CDH18: variants seen among roughly 807,000 people sequenced by gnomAD.
CDH18 encodes cadherin-18.
In CDH18, 31 loss-of-function variants were observed where a neutral mutation model predicts 67.9. The observed-to-expected ratio is 0.46, with a 90% confidence interval of 0.34 to 0.62. The LOEUF (loss-of-function observed/expected upper bound fraction) is 0.62, where lower values mean the gene tolerates loss of function less well. Ranked by LOEUF, CDH18 falls within the 20% of genes least tolerant of loss-of-function variation. CDH18 has a pLI of 0.01. For synonymous variants in CDH18, 362 were observed against 347.2 expected (o/e 1.04, Z -0.48); for missense variants, 890 against 975.5 (o/e 0.91, Z 1.17).
chr5:20,456,541 C>G (rs1377437020), intron 1 of CDH18, among the ~76,000 whole-genome samples: 2 of 152,022 alleles, frequency 1.3e-5, no homozygotes, highest in African/African-American at 4.8e-5. Context: ...AACATGAATG[C>G]AAATTCTCAG....
intron 2 of CDH18, among the ~76,000 whole-genome samples, chr5:19,840,290 A>AG (rs1243181266): frequency 3.8e-5 from 1 of 26,514 alleles, no homozygotes; most frequent in Non-Finnish European, 6.9e-5. Context: ...AAAAAAAAGA[A>AG]AAAAAAAAAA....
chr5:20,193,756 T>C (rs1738731991), intron 2 of CDH18, among the ~76,000 whole-genome samples: 1 of 152,120 alleles, frequency 6.6e-6, no homozygotes, highest in African/African-American at 2.4e-5. Flanking sequence ...TCCACCATGA[T>C]CAAGTCAGCT....
At chr5:20,541,060 A>C (rs1757023646) in intron 1 of CDH18, among the ~76,000 whole-genome samples, 1 of 152,200 alleles carries the variant, frequency 6.6e-6, no homozygotes, top group African/African-American at 2.4e-5. Flanking sequence ...GTCACATTTC[A>C]ATCTATCGGA....
At chr5:20,239,866 A>G (rs952403568) in intron 2 of CDH18, among the ~76,000 whole-genome samples, 12 of 152,096 alleles carry the variant, frequency 7.9e-5, no homozygotes, top group Non-Finnish European at 1.6e-4. Context: ...TTATCTGGCT[A>G]CAATGATGCA....
intron 5 of CDH18, among the ~76,000 whole-genome samples, chr5:19,673,906 A>G (rs550892262): frequency 6.6e-6 from 1 of 152,106 alleles, no homozygotes; most frequent in Admixed American, 6.6e-5. Context: ...ACGAGGGTCC[A>G]AGCAGTCTTA....
chr5:19,593,576 TTC>T (rs1745534348), intron 6 of CDH18, among the ~76,000 whole-genome samples: 1 of 150,204 alleles, frequency 6.7e-6, no homozygotes, highest in Admixed American at 6.7e-5. Flanking sequence ...TCTTTCCCAC[TTC>T]TGTCTCCCCC....
intron 2 of CDH18, among the ~76,000 whole-genome samples, chr5:20,252,531 T>C (rs562766137): frequency 6.6e-6 from 1 of 152,290 alleles, no homozygotes; most frequent in East Asian, 1.9e-4. Flanking sequence ...TAAATGATTA[T>C]AATAGGAACA....
chr5:20,327,109 CTT>C (rs965978089), intron 1 of CDH18, among the ~76,000 whole-genome samples: 1 of 152,056 alleles, frequency 6.6e-6, no homozygotes, highest in African/African-American at 2.4e-5. Context: ...GTATTATAAA[CTT>C]ATATTTTTGG....
intron 2 of CDH18, among the ~76,000 whole-genome samples, chr5:19,947,585 C>CAAAA (rs35601486): frequency 3.2e-4 from 17 of 53,308 alleles, no homozygotes; most frequent in East Asian, 1.0e-3. Flanking sequence ...TACTAAAATA[C>CAAAA]AAAAAAAAAA....
chr5:20,190,279 C>T (rs371913325), intron 2 of CDH18, among the ~76,000 whole-genome samples: 1 of 152,144 alleles, frequency 6.6e-6, no homozygotes, highest in African/African-American at 2.4e-5. Flanking sequence ...TACATCAATC[C>T]TTGGAGTGAA....
At chr5:19,552,294 A>G (rs1304275593) in intron 8 of CDH18, among the ~76,000 whole-genome samples, 1 of 152,160 alleles carries the variant, frequency 6.6e-6, no homozygotes, top group Non-Finnish European at 1.5e-5. Context: ...ACAAAGAACA[A>G]ATAAATTTGC....
intron 2 of CDH18, among the ~76,000 whole-genome samples, chr5:20,161,997 C>T (rs967265037): frequency 6.6e-6 from 1 of 151,798 alleles, no homozygotes; most frequent in Admixed American, 6.6e-5. Context: ...TTTTCTTGGA[C>T]CAGCAAGAGA....
At chr5:19,704,964 T>C (rs1246633221) in intron 5 of CDH18, among the ~76,000 whole-genome samples, 5 of 152,318 alleles carry the variant, frequency 3.3e-5, no homozygotes. Flanking sequence ...TACTATTCCC[T>C]TAGCTGAGCA....
At chr5:19,718,638 T>G (rs752623363) in intron 5 of CDH18, among the ~76,000 whole-genome samples, 3 of 151,936 alleles carry the variant, frequency 2.0e-5, no homozygotes, top group Non-Finnish European at 4.4e-5. Flanking sequence ...TCTAAGATAC[T>G]TGCATATTTA....
At chr5:19,913,177 C>T (rs1024283157) in intron 2 of CDH18, among the ~76,000 whole-genome samples, 1 of 151,802 alleles carries the variant, frequency 6.6e-6, no homozygotes, top group Admixed American at 6.6e-5. Flanking sequence ...GAATTAGGCC[C>T]TCATATTAGT....
chr5:19,895,386 C>T (rs907918400), intron 2 of CDH18, among the ~76,000 whole-genome samples: 1 of 152,046 alleles, frequency 6.6e-6, no homozygotes, highest in African/African-American at 2.4e-5. Flanking sequence ...AAGCATTGGG[C>T]TTACTTGAAT....
At chr5:20,443,207 C>CTCA (rs1491460573) in intron 1 of CDH18, among the ~76,000 whole-genome samples, 263 of 25,366 alleles carry the variant, frequency 0.01, 24 homozygotes, top group African/African-American at 0.03. Flanking sequence ...GAGACTCCGT[C>CTCA]ACAAAAAAAA....
chr5:19,717,789 A>G (rs969296282), intron 5 of CDH18, among the ~76,000 whole-genome samples: 1 of 151,974 alleles, frequency 6.6e-6, no homozygotes, highest in Non-Finnish European at 1.5e-5. Context: ...TGTTTTCTTT[A>G]ATAACTGTAA....
intron 1 of CDH18, among the ~76,000 whole-genome samples, chr5:20,571,883 G>C (rs1280069180): frequency 6.6e-6 from 1 of 151,962 alleles, no homozygotes; most frequent in Non-Finnish European, 1.5e-5. Context: ...AAAAAGCTTA[G>C]ACTGGCTAAG....
Sources: allele counts gnomAD v4.1 joint callset (sites outside exome capture counted in the v4.1 genomes callset), GRCh38; gene constraint gnomAD v4.1.1; transcripts MANE v1.5; gene names NCBI Gene and HGNC (gene_info 2026-07-23, HGNC 2026-07-21).